Variants in NYAP2 observed in about 807,000 individuals in gnomAD.
The protein encoded by NYAP2 is neuronal tyrosine-phosphorylated phosphoinositide-3-kinase adapter 2.
In NYAP2, 23 loss-of-function variants were observed where a neutral mutation model predicts 50.4. The observed-to-expected ratio is 0.46, with a 90% CI of 0.33 to 0.65. The LOEUF (loss-of-function observed/expected upper bound fraction) is 0.65, where lower values mean the gene tolerates loss of function less well. Among genes scored for constraint, NYAP2 ranks in the 30% least tolerant of loss-of-function variants. NYAP2 has a pLI of 0.02. For synonymous variants in NYAP2, 394 were observed against 365.2 expected (o/e 1.08, Z -0.90); for missense variants, 885 against 861.0 (o/e 1.03, Z -0.35).
intron 5 of NYAP2, among the ~76,000 whole-genome samples, chr2:225,599,813 C>T (rs1200943365): frequency 6.6e-6 from 1 of 152,220 alleles, no homozygotes; most frequent in Non-Finnish European, 1.5e-5. Context: ...GCTTCATAGT[C>T]ATTTACACCA....
intron 3 of NYAP2, among the ~76,000 whole-genome samples, chr2:225,480,905 A>G (rs1476363843): frequency 6.6e-6 from 1 of 152,126 alleles, no homozygotes; most frequent in Non-Finnish European, 1.5e-5. Flanking sequence ...AGAATTAACT[A>G]TCTTAAATTG....
chr2:225,450,433 A>G (rs1689631306), intron 3 of NYAP2, among the ~76,000 whole-genome samples: 1 of 152,202 alleles, frequency 6.6e-6, no homozygotes, highest in Admixed American at 6.5e-5. Flanking sequence ...AGCTCTGTGA[A>G]ATGAAAATCA....
exon 7 of NYAP2, chr2:225,652,542 A>T (rs980129574): frequency 6.6e-6 from 1 of 152,228 alleles, no homozygotes; most frequent in South Asian, 2.1e-4. Flanking sequence ...CCCAATAGGA[A>T]TTCAATACAT....
chr2:225,610,974 A>C (rs1457835478), intron 5 of NYAP2, among the ~76,000 whole-genome samples: 1 of 152,210 alleles, frequency 6.6e-6, no homozygotes, highest in East Asian at 1.9e-4. Context: ...CAGTTGTAGA[A>C]TATTTATGCC....
chr2:225,551,216 CA>C (rs1199862295), intron 4 of NYAP2, among the ~76,000 whole-genome samples: 3 of 152,180 alleles, frequency 2.0e-5, no homozygotes, highest in Admixed American at 6.5e-5. Context: ...TAGTCTCTTC[CA>C]CGTCCACTCT....
chr2:225,671,170 G>GT, the NYAP2 span, among the ~76,000 whole-genome samples: 35 of 150,746 alleles, frequency 2.3e-4, no homozygotes, highest in East Asian at 1.2e-3. Context: ...ATGCAATGCT[G>GT]TTTTTTTTTC....
chr2:225,629,038 A>C lies in NYAP2; in HGVS notation c.1828+1912A>C, dbSNP rs1693264527. Among the ~76,000 whole-genome samples the C allele has an allele frequency of 9.2e-5, 14 of 152,206 alleles. No homozygotes were observed. In the South Asian group the frequency reaches 2.9e-3, roughly 32 times the overall value. ...ATAAAGAGATTTATTATGAGGGATT[A>C]GTTCGCATAATCATGCAGGCAGAAA... On this transcript the variant is annotated intron_variant, in intron 6 of 6. Coordinates refer to ENST00000636099, the Ensembl canonical transcript of NYAP2.
intron 5 of NYAP2, among the ~76,000 whole-genome samples, chr2:225,585,251 G>A (rs1439921750): frequency 6.6e-6 from 1 of 152,210 alleles, no homozygotes; most frequent in East Asian, 1.9e-4. Context: ...TGGGTATTGT[G>A]AAATTAATGG....
chr2:225,691,031 G>T, the NYAP2 span, among the ~76,000 whole-genome samples: 2 of 152,184 alleles, frequency 1.3e-5, no homozygotes, highest in East Asian at 3.9e-4. Context: ...GTGCAGGTAA[G>T]TGGAAATTTA....
downstream of NYAP2, among the ~76,000 whole-genome samples, chr2:225,655,927 C>CACAT (rs1553561178): frequency 1.0e-5 from 1 of 97,184 alleles, no homozygotes; most frequent in Non-Finnish European, 2.4e-5. Context: ...CACACACACA[C>CACAT]ATACACACAT....
At chr2:225,406,936 T>A (rs577794311) in intron 2 of NYAP2, among the ~76,000 whole-genome samples, 1 of 152,068 alleles carries the variant, frequency 6.6e-6, no homozygotes, top group South Asian at 2.1e-4. Flanking sequence ...AGGAAAAAAA[T>A]TAAAACCTTT....
At chr2:225,585,825 G>A (rs1231005492) in intron 5 of NYAP2, among the ~76,000 whole-genome samples, 1 of 152,130 alleles carries the variant, frequency 6.6e-6, no homozygotes, top group African/African-American at 2.4e-5. Flanking sequence ...GCAAAACATA[G>A]AACCAAAATT....
intron 4 of NYAP2, among the ~76,000 whole-genome samples, chr2:225,552,883 T>C (rs531385305): frequency 1.3e-5 from 2 of 152,260 alleles, no homozygotes; most frequent in South Asian, 4.1e-4. Context: ...AGACAGGATT[T>C]CACCATATTG....
chr2:225,638,156 TTGTGTGTG>T (rs146481098), intron 6 of NYAP2, among the ~76,000 whole-genome samples: 39 of 135,300 alleles, frequency 2.9e-4, no homozygotes, highest in East Asian at 2.0e-3. Context: ...ACTCGTGTGT[TTGTGTGTG>T]TGTGTGTGTG....
At chr2:225,620,758 T>G (rs1693084982) in intron 5 of NYAP2, among the ~76,000 whole-genome samples, 1 of 152,162 alleles carries the variant, frequency 6.6e-6, no homozygotes, top group African/African-American at 2.4e-5. Flanking sequence ...ACAAAATTCC[T>G]TTCCAAAGCT....
rs560637948 is a variant in NYAP2, at chr2:225,412,255, CTTTTT to C, written c.221+3176_221+3180del. The stretch of plus-strand genomic sequence containing the variant: ...TACAGGCGTGAGCCACTGCGCCCGG[CTTTTT>C]TTTTTTTTTTTTTTTTTTTTTAACA... On this transcript the variant is annotated intron_variant, in intron 3 of 6. Coordinates refer to ENST00000636099, the Ensembl canonical transcript of NYAP2. Among the ~76,000 whole-genome samples, 58 of 59,150 alleles carry C rather than the reference CTTTTT, an allele frequency of 9.8e-4. 2 individuals carry two copies. The highest frequency in any genetic ancestry group is 1.2e-3 in the Admixed American group (4 of 3,424). 38.8% of individuals were successfully genotyped at this position (59,150 alleles called of 152,430 possible). A position where few individuals can be genotyped will look rare whatever the true frequency, so the allele number is the denominator to read the frequency against.
intron 3 of NYAP2, among the ~76,000 whole-genome samples, chr2:225,444,173 C>T (rs1041442436): frequency 1.3e-5 from 2 of 152,096 alleles, no homozygotes; most frequent in Non-Finnish European, 2.9e-5. Context: ...AATTACCATA[C>T]AAGCCGATGA....
At chr2:225,675,916 T>C in the NYAP2 span, among the ~76,000 whole-genome samples, 2 of 152,174 alleles carry the variant, frequency 1.3e-5, no homozygotes, top group African/African-American at 4.8e-5. Context: ...CATTTTTGTA[T>C]ATGTTTGTTG....
rs1486610239 is a variant in NYAP2 at position 225,617,996 on chromosome 2, G to A, written c.1619-8921G>A. Among the ~76,000 whole-genome samples, 3 of 152,204 alleles carry A rather than the reference G, an allele frequency of 2.0e-5. No individual in the cohort carries two copies. The Middle Eastern group carries it at 0.01, about 518-fold the overall frequency. On this transcript the variant is annotated intron_variant, in intron 5 of 6. Coordinates refer to ENST00000636099, the Ensembl canonical transcript of NYAP2. ...TTTAGTCTAAAGCTTGTGATCCAAC[G>A]GGGGCAACAAGATATATAAACAACA...
Sources: allele counts gnomAD v4.1 joint callset (sites outside exome capture counted in the v4.1 genomes callset), GRCh38; gene constraint gnomAD v4.1.1; transcripts MANE v1.5; gene names NCBI Gene and HGNC (gene_info 2026-07-23, HGNC 2026-07-21).